Variants in IL1RAP observed in about 807,000 individuals in gnomAD.
IL1RAP encodes the protein interleukin 1 receptor accessory protein, also known as interleukin-1 receptor accessory protein.
Under a neutral mutation model 60.7 loss-of-function variants are expected in IL1RAP, and 35 were observed. The observed-to-expected ratio is 0.58, with a 90% CI of 0.44 to 0.76. The LOEUF (loss-of-function observed/expected upper bound fraction) is 0.76. Ranked by LOEUF, IL1RAP falls within the 30% of genes least tolerant of loss-of-function variation. The pLI is 0.00. For missense variants in IL1RAP, 572 were observed against 693.9 expected (o/e 0.82, Z 1.97); for synonymous variants, 268 against 250.9 (o/e 1.07, Z -0.64).
chr3:190,589,394 G>T (rs185849880), intron 3 of IL1RAP, among the ~76,000 whole-genome samples: 5 of 152,094 alleles, frequency 3.3e-5, no homozygotes, highest in African/African-American at 1.2e-4. Context: ...TTTTCTCTCA[G>T]AATCTTTTGT....
chr3:190,656,664 A>G, exon 12 of IL1RAP: 2 of 1,008,322 alleles, frequency 2.0e-6, no homozygotes. Flanking sequence ...TATGTCATGA[A>G]CCTGTGGGAA....
intron 2 of IL1RAP, among the ~76,000 whole-genome samples, chr3:190,561,654 A>C (rs1725899754): frequency 1.3e-5 from 2 of 152,190 alleles, no homozygotes; most frequent in African/African-American, 2.4e-5. Flanking sequence ...GGGAGGGCGT[A>C]TTGCTTTAGC....
intron 1 of IL1RAP, among the ~76,000 whole-genome samples, chr3:190,524,294 T>C (rs1560137574): frequency 6.6e-6 from 1 of 152,202 alleles, no homozygotes; most frequent in East Asian, 1.9e-4. Flanking sequence ...TTTTCTCCCA[T>C]TCTGTAGGTT....
chr3:190,599,698 T>TG (rs1342488508), intron 3 of IL1RAP, among the ~76,000 whole-genome samples: 2 of 147,928 alleles, frequency 1.4e-5, no homozygotes, highest in African/African-American at 2.5e-5. Flanking sequence ...CTTGGTATTT[T>TG]GGGTTTTTTT....
rs1220327789 is a variant in IL1RAP, at chr3:190,650,652, G to C, written c.*1947G>C. On this transcript the variant is annotated 3_prime_UTR_variant, in exon 12 of 12. Coordinates refer to ENST00000447382, the MANE Select transcript of IL1RAP (RefSeq NM_002182.4). The stretch of plus-strand genomic sequence containing the variant: ...TAAGTGTTATTGATTATTTTAAATT[G>C]AAAAAAGTTTCACTTGGATGAAAAA... 2.2e-6 allele frequency: 2 copies of C among 911,028 alleles called. No homozygotes were observed. The highest frequency in any genetic ancestry group is 1.8e-5 in the African/African-American group (1 of 55,612). The allele number at this position is 911,028 out of a possible 1,614,324, so 56.4% of individuals were successfully genotyped here.
chr3:190,621,675 T>C (rs1276984693), intron 6 of IL1RAP, among the ~76,000 whole-genome samples: 1 of 152,232 alleles, frequency 6.6e-6, no homozygotes, highest in Non-Finnish European at 1.5e-5. Flanking sequence ...GTATTTATTA[T>C]ATGCCAGTAG....
chr3:190,522,419 GTATCTATCTATCTATCTATCTATCTATC>G (rs36196626), intron 1 of IL1RAP, among the ~76,000 whole-genome samples: 1 of 142,634 alleles, frequency 7.0e-6, no homozygotes, highest in East Asian at 2.0e-4. Context: ...ATGTATCTAT[GTATCTATCTATCTATCTATCTATCTATC>G]TATCTATCTA....
chr3:190,602,405 G>C (rs934603288), intron 3 of IL1RAP, among the ~76,000 whole-genome samples: 2 of 151,856 alleles, frequency 1.3e-5, no homozygotes, highest in Non-Finnish European at 2.9e-5. Flanking sequence ...CTTATAAAAT[G>C]AAAACATATT....
At chr3:190,599,287 C>A (rs113023674) in intron 3 of IL1RAP, among the ~76,000 whole-genome samples, 3,877 of 152,236 alleles carry the variant, frequency 0.025, 75 homozygotes, top group Non-Finnish European at 0.039. Context: ...CCGAAGCTCC[C>A]TGATAAGGAG....
At chr3:190,636,911 A>T (rs921984583) in intron 9 of IL1RAP, among the ~76,000 whole-genome samples, 1 of 151,620 alleles carries the variant, frequency 6.6e-6, no homozygotes, top group African/African-American at 2.4e-5. Flanking sequence ...ATTTTATTTT[A>T]TCACTTTTTT....
intron 3 of IL1RAP, among the ~76,000 whole-genome samples, chr3:190,588,591 T>A (rs1728674857): frequency 6.6e-6 from 1 of 152,204 alleles, no homozygotes; most frequent in African/African-American, 2.4e-5. Flanking sequence ...GTAGTTGTAG[T>A]TGTACCATGC....
At chr3:190,565,149 G>T (rs1726268727) in intron 3 of IL1RAP, among the ~76,000 whole-genome samples, 2 of 151,132 alleles carry the variant, frequency 1.3e-5, no homozygotes, top group South Asian at 4.2e-4. Context: ...ACATTTACTT[G>T]GTTCAACTGT....
chr3:190,595,286 C>A (rs548781457), intron 3 of IL1RAP, among the ~76,000 whole-genome samples: 3 of 152,090 alleles, frequency 2.0e-5, no homozygotes, highest in Admixed American at 6.6e-5. Context: ...TATCAAAGTC[C>A]GCCTTGGAAT....
At chr3:190,620,805 A>G (rs541747504) in intron 6 of IL1RAP, among the ~76,000 whole-genome samples, 1 of 152,334 alleles carries the variant, frequency 6.6e-6, no homozygotes, top group South Asian at 2.1e-4. Context: ...ATTTAAAAAA[A>G]TATTCATATT....
chr3:190,585,531 G>A (rs537736805), intron 3 of IL1RAP, among the ~76,000 whole-genome samples: 1 of 152,132 alleles, frequency 6.6e-6, no homozygotes, highest in Non-Finnish European at 1.5e-5. Context: ...GTCACTTTAG[G>A]CTGGGCATGG....
At chr3:190,561,758 T>C (rs372527582) in intron 2 of IL1RAP, among the ~76,000 whole-genome samples, 1 of 152,208 alleles carries the variant, frequency 6.6e-6, no homozygotes, top group South Asian at 2.1e-4. Flanking sequence ...AATTATTAAT[T>C]ACATTTATTA....
rs561337695 is a variant in IL1RAP, at chr3:190,551,943, A to G, written c.-88-4187A>G. ...GAAATTCCATACAATTTTGGAACAT[A>G]TATTAGCATTATTCACCAAAATATT... On this transcript the variant is annotated intron_variant, in intron 1 of 11. Coordinates refer to ENST00000447382, the MANE Select transcript of IL1RAP (RefSeq NM_002182.4). Among the ~76,000 whole-genome samples the G allele has an allele frequency of 3.9e-5, 6 of 152,324 alleles. No individual in the cohort carries two copies. The South Asian group carries it at 1.2e-3, about 32-fold the overall frequency.
In IL1RAP at chr3:190,649,107, A is replaced by G. The variant is rs1331642060; in HGVS notation, c.*402A>G. The G allele has an allele frequency of 2.0e-6, 2 of 988,326 alleles. No individual in the cohort carries two copies. The highest frequency in any genetic ancestry group is 2.4e-6 in the Non-Finnish European group (2 of 831,952). The allele number at this position is 988,326 out of a possible 1,614,324, so 61.2% of individuals were successfully genotyped here. A position where few individuals can be genotyped will look rare whatever the true frequency, so the allele number is the denominator to read the frequency against. On this transcript the variant is annotated 3_prime_UTR_variant, in exon 12 of 12. Transcript: ENST00000447382. ...GACAGGGTCATGAGTTTCCGAGTATAGTTTTCTTTTTATCTTATTTTTACT... is the reference window on the plus strand; with the variant it reads ...GACAGGGTCATGAGTTTCCGAGTATGGTTTTCTTTTTATCTTATTTTTACT...
intron 6 of IL1RAP, among the ~76,000 whole-genome samples, chr3:190,621,329 C>G (rs761000081): frequency 2.6e-5 from 4 of 152,152 alleles, no homozygotes; most frequent in Non-Finnish European, 5.9e-5. Context: ...TACAAACAGC[C>G]TTTCATATAG....
Sources: gnomAD v4.1 joint callset for allele counts (sites outside exome capture counted in the v4.1 genomes callset) on GRCh38, gnomAD v4.1.1 for gene constraint, MANE v1.5 for transcripts, NCBI Gene and HGNC (gene_info 2026-07-23, HGNC 2026-07-21) for gene names.